ERMP1: variants seen among roughly 807,000 people sequenced by gnomAD.
ERMP1 encodes the protein Felix-ina.
ERMP1 carries 86 observed loss-of-function variants against 92.0 expected under a neutral mutation model. The ratio of observed to expected loss-of-function variants is 0.93; its 90% CI spans 0.79 to 1.12. The LOEUF is 1.12. Ranked by LOEUF, ERMP1 falls within the 50% of genes most tolerant of loss-of-function variation. ERMP1 has a pLI of 0.00. For synonymous variants in ERMP1, 530 were observed against 412.8 expected (o/e 1.28, Z -3.44); for missense variants, 1,342 against 1,116.3 (o/e 1.20, Z -2.88).
At chr9:5,801,395 C>G in intron 10 of ERMP1, 67 bp from the exon 11 acceptor site, 5 of 1,511,634 alleles carry the variant, frequency 3.3e-6, no homozygotes, top group Non-Finnish European at 4.5e-6. Flanking sequence ...GTGTTTTTAA[C>G]TAACTTTATT....
chr9:5,789,278 T>G (rs978787960), intron 13 of ERMP1, among the ~76,000 whole-genome samples: 5 of 152,090 alleles, frequency 3.3e-5, no homozygotes, highest in Admixed American at 3.3e-4. Flanking sequence ...AATAAAAAGT[T>G]TGATCAAATA....
At chr9:5,861,276 A>G (rs1373568992) in intron 5 of ERMP1, among the ~76,000 whole-genome samples, 1 of 151,550 alleles carries the variant, frequency 6.6e-6, no homozygotes, top group Admixed American at 6.6e-5. Flanking sequence ...TTAATAACTC[A>G]AAGTATTATC....
chr9:5,802,358 TA>T (rs1828704368), intron 10 of ERMP1, among the ~76,000 whole-genome samples: 1 of 152,184 alleles, frequency 6.6e-6, no homozygotes, highest in Admixed American at 6.5e-5. Flanking sequence ...CTTATTTCCA[TA>T]AGTAGAAAAA....
intron 5 of ERMP1, among the ~76,000 whole-genome samples, chr9:5,860,196 T>C (rs934323132): frequency 1.2e-4 from 18 of 151,804 alleles, no homozygotes; most frequent in African/African-American, 4.1e-4. Context: ...TCCCAGCTAC[T>C]TGGGAGGCTG....
Position 5,785,872 on chromosome 9 carries a change from G to C in ERMP1, c.*1272C>G, listed in dbSNP as rs1428559873. The C allele has an allele frequency of 6.6e-6, 1 of 152,152 alleles. No individual in the cohort carries two copies. The highest frequency in any genetic ancestry group is 1.5e-5 in the Non-Finnish European group (1 of 68,028). 9.4% of individuals were successfully genotyped at this position (152,152 alleles called of 1,614,324 possible). A position where few individuals can be genotyped will look rare whatever the true frequency, so the allele number is the denominator to read the frequency against. ...CACATTTCCTAATGATAAAAAGAAAGCTTGCACAGTTTACCATTGATCTCA... is the reference window on the plus strand; with the variant it reads ...CACATTTCCTAATGATAAAAAGAAACCTTGCACAGTTTACCATTGATCTCA... On this transcript the variant is annotated 3_prime_UTR_variant, in exon 15 of 15. Coordinates refer to ENST00000339450, the MANE Select transcript of ERMP1 (RefSeq NM_024896.3).
rs184479411 is a variant in ERMP1 at position 5,833,081 on chromosome 9, C to T, written c.-54G>A. On this transcript the variant is annotated 5_prime_UTR_variant, in exon 1 of 15. Coordinates refer to ENST00000339450, the MANE Select transcript of ERMP1 (RefSeq NM_024896.3). The stretch of plus-strand genomic sequence containing the variant: ...CGCCCCAACCCGCGACAGCCCCGGC[C>T]GCCGCCGACGCCGCCGTCGCTGCCG... The T allele has an allele frequency of 2.9e-3, 3,943 of 1,340,976 alleles. 107 individuals are homozygous for T. In the African/African-American group the frequency reaches 0.054, roughly 18 times the overall value. The allele number at this position is 1,340,976 out of a possible 1,614,324, so 83.1% of individuals were successfully genotyped here. A position where few individuals can be genotyped will look rare whatever the true frequency, so the allele number is the denominator to read the frequency against.
intron 13 of ERMP1, among the ~76,000 whole-genome samples, chr9:5,790,805 A>T (rs990547682): frequency 1.3e-5 from 2 of 152,226 alleles, no homozygotes; most frequent in African/African-American, 2.4e-5. Flanking sequence ...TATACATATA[A>T]ACACACAAAT....
chr9:5,854,143 C>T (rs1041981323), intron 6 of ERMP1, among the ~76,000 whole-genome samples: 1 of 151,850 alleles, frequency 6.6e-6, no homozygotes, highest in Non-Finnish European at 1.5e-5. Context: ...GAGAAAGAAG[C>T]TGCTGTGGGT....
chr9:5,846,227 G>A (rs1830232388), intron 6 of ERMP1, among the ~76,000 whole-genome samples: 1 of 152,208 alleles, frequency 6.6e-6, no homozygotes, highest in Non-Finnish European at 1.5e-5. Flanking sequence ...AAAGCAGCCT[G>A]CATCCATGTC....
rs1438856883 is a variant in ERMP1, at chr9:5,787,547, T to G, written c.2433A>C (p.Thr811=). 6.2e-7 allele frequency: 1 copy of G among 1,613,570 alleles called. No homozygotes were observed. The highest frequency in any genetic ancestry group is 2.2e-5 in the East Asian group (1 of 44,864). The change falls in exon 14 of 15, where the codon ACA becomes ACC. Residue 811 remains threonine (T), a synonymous_variant. Transcript: ENST00000339450. ...SFYVRAHKGS[T]LSQWSLGNGT... ...CATTGCCAAGAGACCACTGAGAAAG[T>G]GTTGACCCTTTGTGGGCTCGAACAT...
chr9:5,858,520 G>C (rs1276654410), intron 6 of ERMP1, among the ~76,000 whole-genome samples: 1 of 152,162 alleles, frequency 6.6e-6, no homozygotes, highest in Admixed American at 6.5e-5. Context: ...ACAGTGTCCT[G>C]CACACCTCCA....
At chr9:5,866,393 G>A (rs1179490988) in intron 5 of ERMP1, among the ~76,000 whole-genome samples, 1 of 152,150 alleles carries the variant, frequency 6.6e-6, no homozygotes, top group Non-Finnish European at 1.5e-5. Flanking sequence ...GAGGATTGTT[G>A]GATCCTACTG....
intron 3 of ERMP1, 116 bp from the exon 4 acceptor site, chr9:5,824,117 A>G (rs1829645591): frequency 2.7e-6 from 2 of 731,542 alleles, no homozygotes; most frequent in Non-Finnish European, 2.3e-6. Context: ...AAAACAAAAT[A>G]ATCGCTCTTC....
chr9:5,798,216 A>AT (rs200666356), intron 12 of ERMP1, among the ~76,000 whole-genome samples: 29 of 148,318 alleles, frequency 2.0e-4, no homozygotes, highest in African/African-American at 3.5e-4. Flanking sequence ...AGAGAAAACA[A>AT]TTTTTTTTTT....
At chr9:5,835,564 A>T (rs1830086366), upstream of ERMP1, among the ~76,000 whole-genome samples, 1 of 152,184 alleles carries the variant, frequency 6.6e-6, no homozygotes, top group African/African-American at 2.4e-5. Context: ...GTTCCAGCAG[A>T]GGAAAGTGAG....
chr9:5,845,156 G>T (rs73639530), intron 6 of ERMP1, among the ~76,000 whole-genome samples: 43 of 3,356 alleles, frequency 0.013, no homozygotes, highest in African/African-American at 0.019. Context: ...TTTTTTTTTT[G>T]TTGTTGTGGT....
intron 6 of ERMP1, among the ~76,000 whole-genome samples, chr9:5,853,864 C>T (rs1206274223): frequency 6.6e-6 from 1 of 151,072 alleles, no homozygotes; most frequent in African/African-American, 2.4e-5. Flanking sequence ...GTCAGAGACA[C>T]CCTGAGTAGC....
At chr9:5,807,444 T>C (rs2797512) in intron 8 of ERMP1, among the ~76,000 whole-genome samples, 1 of 152,036 alleles carries the variant, frequency 6.6e-6, no homozygotes, top group East Asian at 1.9e-4. Context: ...TTTTAACACA[T>C]GCTTCAAAAA....
intron 5 of ERMP1, among the ~76,000 whole-genome samples, chr9:5,860,350 C>T (rs1830448647): frequency 6.6e-6 from 1 of 151,740 alleles, no homozygotes; most frequent in African/African-American, 2.4e-5. Flanking sequence ...AATGCACTGT[C>T]AGTATTTTAG....
Sources: gnomAD v4.1 joint callset for allele counts (sites outside exome capture counted in the v4.1 genomes callset) on GRCh38, gnomAD v4.1.1 for gene constraint, MANE v1.5 for transcripts, NCBI Gene and HGNC (gene_info 2026-07-23, HGNC 2026-07-21) for gene names.